SORCS3: variants seen among roughly 807,000 people sequenced by gnomAD.
The protein encoded by SORCS3 is VPS10 domain-containing receptor SorCS3.
A neutral mutation model predicts 146.3 loss-of-function variants in SORCS3; 57 were observed. The ratio of observed to expected loss-of-function variants is 0.39; its 90% CI spans 0.31 to 0.49. The LOEUF (loss-of-function observed/expected upper bound fraction) is 0.49, where lower values mean the gene tolerates loss of function less well. Ranked by LOEUF, SORCS3 falls within the 20% of genes least tolerant of loss-of-function variation. SORCS3 has a pLI of 0.92. For synonymous variants in SORCS3, 653 were observed against 618.5 expected (o/e 1.06, Z -0.83); for missense variants, 1,341 against 1,575.5 (o/e 0.85, Z 2.52).
Position 105,209,572 on chromosome 10 carries a change from T to C in SORCS3, c.2262-1565T>C, listed in dbSNP as rs369817457. 4.9e-4 allele frequency among the ~76,000 whole-genome samples: 74 copies of C among 152,336 alleles called. No homozygotes were observed. In the South Asian group the frequency reaches 0.015, roughly 32 times the overall value. On this transcript the variant is annotated intron_variant, in intron 16 of 26. Transcript: ENST00000369701. The stretch of plus-strand genomic sequence containing the variant: ...ACAAACAAAAACTGAAAATTATCCC[T>C]GCTCTTTTGTAGCTTCCACTTATAG...
intron 18 of SORCS3, among the ~76,000 whole-genome samples, chr10:105,216,234 T>C (rs2056664253): frequency 6.6e-6 from 1 of 152,204 alleles, no homozygotes; most frequent in African/African-American, 2.4e-5. Flanking sequence ...TTTGGGGTGG[T>C]ATGCAGTATT....
chr10:105,069,759 A>C (rs896887536), intron 5 of SORCS3, among the ~76,000 whole-genome samples: 1 of 152,180 alleles, frequency 6.6e-6, no homozygotes, highest in African/African-American at 2.4e-5. Flanking sequence ...CTTATAATTA[A>C]TACATTGTAC....
Position 104,641,505 on chromosome 10 carries a change from T to C in SORCS3, c.178T>C (p.Ser60Pro), listed in dbSNP as rs1380548389. Residue 60 changes from serine (S) to proline (P), a missense_variant, in exon 1 of 27, where the codon TCG becomes CCG. Transcript: ENST00000369701. The surrounding 1 kb of genome is among the most constrained non-coding windows in gnomAD (Gnocchi z 6.4). ...ASRPPALSPL[S>P]PRAVASQWPE... Reference sequence around the variant, plus strand: ...GCGGCCACCGGCGTTGTCTCCACTCTCGCCGCGGGCAGTGGCCAGCCAGTG... The same window carrying C: ...GCGGCCACCGGCGTTGTCTCCACTCCCGCCGCGGGCAGTGGCCAGCCAGTG... 2 of 1,474,168 alleles carry C rather than the reference T, an allele frequency of 1.4e-6. No individual in the cohort carries two copies. The highest frequency in any genetic ancestry group is 1.8e-6 in the Non-Finnish European group (2 of 1,121,148). The allele number at this position is 1,474,168 out of a possible 1,614,324, so 91.3% of individuals were successfully genotyped here.
At chr10:104,947,423 C>T (rs72815681) in intron 3 of SORCS3, among the ~76,000 whole-genome samples, 12,049 of 152,174 alleles carry the variant, frequency 0.079, 760 homozygotes, top group Non-Finnish European at 0.12. Flanking sequence ...AGAAGAGCTT[C>T]ATTCTCTTTC....
rs762996381 is a variant in SORCS3, at chr10:105,262,440, T to G, written c.3553T>G (p.Phe1185Val). The G allele has an allele frequency of 1.2e-6, 2 of 1,613,890 alleles. No individual in the cohort carries two copies. Among genetic ancestry groups the G allele is most frequent in the Non-Finnish European group, 1.7e-6 (2 of 1,179,936 alleles). Residue 1185 changes from phenylalanine (F) to valine (V), a missense_variant, in exon 26 of 27, where the codon TTT (phenylalanine) becomes GTT (valine). Physicochemically the swap from Phe to Val is conservative, Grantham distance 50. Transcript: ENST00000369701. ...ENAPKITLSDFTEPEELLDKE... is the reference protein window; with the variant it reads ...ENAPKITLSDVTEPEELLDKE... ...CGCCCCCAAAATCACACTCAGTGACTTTACGGAGCCTGAGGAGCTGCTGGA... is the reference window on the plus strand; with the variant it reads ...CGCCCCCAAAATCACACTCAGTGACGTTACGGAGCCTGAGGAGCTGCTGGA...
intron 1 of SORCS3, among the ~76,000 whole-genome samples, chr10:104,812,697 G>T (rs1458913071): frequency 1.3e-5 from 2 of 152,196 alleles, no homozygotes; most frequent in Non-Finnish European, 2.9e-5. Context: ...GGTGGAGCTT[G>T]GGCCCTAAGT....
At chr10:105,246,609 C>T (rs540529575) in intron 21 of SORCS3, among the ~76,000 whole-genome samples, 1 of 152,296 alleles carries the variant, frequency 6.6e-6, no homozygotes, top group South Asian at 2.1e-4. Flanking sequence ...ACTTGCTTCT[C>T]AGGCTCTTCG....
Position 104,894,430 on chromosome 10 carries a change from G to A in SORCS3, c.696-21403G>A, listed in dbSNP as rs148860688. On this transcript the variant is annotated intron_variant, in intron 2 of 26. Coordinates refer to ENST00000369701, the MANE Select transcript of SORCS3 (RefSeq NM_014978.3). ...TTCACAGCAAATATTGAATCATGAAGGCTCTTGAGCTGGAAAATGACTTTG... is the reference window on the plus strand; with the variant it reads ...TTCACAGCAAATATTGAATCATGAAAGCTCTTGAGCTGGAAAATGACTTTG... Among the ~76,000 whole-genome samples the A allele has an allele frequency of 1.6e-4, 25 of 152,326 alleles. No individual in the cohort carries two copies. In the East Asian group the frequency reaches 4.8e-3, roughly 29 times the overall value.
chr10:104,985,780 G>T (rs1476901390), intron 4 of SORCS3, among the ~76,000 whole-genome samples: 1 of 152,180 alleles, frequency 6.6e-6, no homozygotes, highest in African/African-American at 2.4e-5. Context: ...CAGGTGCATT[G>T]TTAATAAGCA....
At chr10:104,865,828 A>G (rs944828465) in intron 2 of SORCS3, among the ~76,000 whole-genome samples, 1 of 152,244 alleles carries the variant, frequency 6.6e-6, no homozygotes, top group Non-Finnish European at 1.5e-5. Flanking sequence ...GCTGTGCCTT[A>G]GAACAGGCTT....
At chr10:105,152,225 C>T (rs897656293) in intron 9 of SORCS3, among the ~76,000 whole-genome samples, 7 of 152,146 alleles carry the variant, frequency 4.6e-5, no homozygotes, top group African/African-American at 9.7e-5. Context: ...CCACAGCATA[C>T]CTGGCAATGC....
chr10:104,759,737 T>A (rs1304430920), intron 1 of SORCS3, among the ~76,000 whole-genome samples: 1 of 152,136 alleles, frequency 6.6e-6, no homozygotes, highest in East Asian at 1.9e-4. Context: ...GTAACTTACC[T>A]CGTTGTATTC....
At chr10:105,105,150 A>T (rs952951693) in intron 6 of SORCS3, among the ~76,000 whole-genome samples, 5 of 152,224 alleles carry the variant, frequency 3.3e-5, no homozygotes, top group Non-Finnish European at 7.3e-5. Context: ...TGTTCTTCCA[A>T]AAAGCTATAC....
chr10:105,178,466 C>G (rs540578114), intron 14 of SORCS3, among the ~76,000 whole-genome samples: 18 of 152,046 alleles, frequency 1.2e-4, no homozygotes, highest in Admixed American at 3.9e-4. Context: ...AAACTTATGT[C>G]GTTAGATGGT....
intron 1 of SORCS3, among the ~76,000 whole-genome samples, chr10:104,733,849 A>T (rs557936954): frequency 1.3e-5 from 2 of 152,238 alleles, no homozygotes; most frequent in South Asian, 4.1e-4. Flanking sequence ...AAGCCAATTT[A>T]TATAAGGCTG....
chr10:105,032,186 C>G (rs1012543358), intron 4 of SORCS3, among the ~76,000 whole-genome samples: 1 of 152,030 alleles, frequency 6.6e-6, no homozygotes, highest in African/African-American at 2.4e-5. Flanking sequence ...GAGTGAAACT[C>G]CATTTTAAAA....
At position 105,232,688 on chromosome 10, in the gene SORCS3, G is replaced by A. The variant is rs184309014; in HGVS notation, c.2868+9439G>A. Among the ~76,000 whole-genome samples the A allele has an allele frequency of 7.2e-4, 109 of 150,386 alleles. 1 individual carries two copies. Among genetic ancestry groups the A allele is most frequent in the Non-Finnish European group, 5.9e-5 (4 of 67,618 alleles). ...TGCTATAAATTTCCTTCTAAGTACT[G>A]CTTTTGCTGCATCCCACAAATGTTA... On this transcript the variant is annotated intron_variant, in intron 20 of 26. Coordinates refer to ENST00000369701, the MANE Select transcript of SORCS3 (RefSeq NM_014978.3).
At chr10:104,734,935 A>G (rs2016750218) in intron 1 of SORCS3, among the ~76,000 whole-genome samples, 7 of 152,242 alleles carry the variant, frequency 4.6e-5, no homozygotes, top group Admixed American at 4.6e-4. Flanking sequence ...AGGGCCTGTT[A>G]TTAACTTATT....
intron 1 of SORCS3, among the ~76,000 whole-genome samples, chr10:104,785,193 A>G (rs1424871171): frequency 6.6e-6 from 1 of 151,394 alleles, no homozygotes. Flanking sequence ...GTGTCTGTGT[A>G]GAAAGAAGTA....
Sources: gnomAD v4.1 joint callset for allele counts (sites outside exome capture counted in the v4.1 genomes callset) on GRCh38, gnomAD v4.1.1 for gene constraint, Gnocchi (gnomAD v3.1) non-coding constraint, MANE v1.5 for transcripts, NCBI Gene and HGNC (gene_info 2026-07-23, HGNC 2026-07-21) for gene names.